LHFPL2: variants seen among roughly 807,000 people sequenced by gnomAD.
The protein encoded by LHFPL2 is LHFPL tetraspan subfamily member 2 protein.
LHFPL2 carries 7 observed loss-of-function variants against 17.5 expected under a neutral mutation model. The ratio of observed to expected loss-of-function variants is 0.40; its 90% confidence interval spans 0.23 to 0.75. The LOEUF is 0.75. LHFPL2 is among the 30% of genes least tolerant of loss of function. The pLI is 0.37. For missense variants in LHFPL2, 241 were observed against 294.8 expected (o/e 0.82, Z 1.34); for synonymous variants, 134 against 116.2 (o/e 1.15, Z -0.99).
intron 4 of LHFPL2, chr5:78,494,610 C>A (rs1390091944): frequency 3.0e-6 from 2 of 668,294 alleles, no homozygotes; most frequent in African/African-American, 3.9e-5. Flanking sequence ...CAGCTGGAGA[C>A]AGAGCCTTGA....
intron 2 of LHFPL2, among the ~76,000 whole-genome samples, chr5:78,566,026 T>G (rs1199691257): frequency 6.6e-6 from 1 of 152,250 alleles, no homozygotes; most frequent in African/African-American, 2.4e-5. Flanking sequence ...AAAAAAAGCA[T>G]TTTGAGTTCA....
At chr5:78,490,651 G>A (rs1422960350) in intron 4 of LHFPL2, among the ~76,000 whole-genome samples, 1 of 149,478 alleles carries the variant, frequency 6.7e-6, no homozygotes, top group Non-Finnish European at 1.5e-5. Flanking sequence ...GGAAGGCTGA[G>A]GCAGAAGAAT....
intron 3 of LHFPL2, among the ~76,000 whole-genome samples, chr5:78,534,532 G>A (rs1755885550): frequency 6.6e-6 from 1 of 152,164 alleles, no homozygotes; most frequent in Non-Finnish European, 1.5e-5. Flanking sequence ...GACTCACTCT[G>A]GTGCCTTGTG....
intron 1 of LHFPL2, among the ~76,000 whole-genome samples, chr5:78,647,417 A>G (rs1449034756): frequency 6.6e-6 from 1 of 152,160 alleles, no homozygotes; most frequent in East Asian, 1.9e-4. Flanking sequence ...TGTCCCTTCA[A>G]GCTCAGTTAC....
chr5:78,607,267 C>T (rs779523447), intron 2 of LHFPL2, among the ~76,000 whole-genome samples: 31 of 151,932 alleles, frequency 2.0e-4, no homozygotes, highest in African/African-American at 6.3e-4. Context: ...CACCCGCCAC[C>T]ACCTCCGGCT....
chr5:78,551,620 C>T (rs1177244583), intron 3 of LHFPL2, among the ~76,000 whole-genome samples: 1 of 152,156 alleles, frequency 6.6e-6, no homozygotes, highest in African/African-American at 2.4e-5. Context: ...CTAGCAGCAG[C>T]CTTAGAAACA....
chr5:78,644,545 A>G, intron 1 of LHFPL2: 1 of 552,390 alleles, frequency 1.8e-6, no homozygotes. Context: ...GAACAAGAAA[A>G]AGGCCAGAGG....
At chr5:78,605,099 A>T (rs763260967) in intron 2 of LHFPL2, among the ~76,000 whole-genome samples, 9 of 152,240 alleles carry the variant, frequency 5.9e-5, no homozygotes, top group Non-Finnish European at 1.3e-4. Context: ...CCATAAGAAA[A>T]GGCTGTCCAG....
intron 4 of LHFPL2, among the ~76,000 whole-genome samples, chr5:78,503,646 C>G (rs1754841326): frequency 6.6e-6 from 1 of 152,062 alleles, no homozygotes; most frequent in South Asian, 2.1e-4. Context: ...TGCAGTGAGC[C>G]AAAATCGAGC....
intron 2 of LHFPL2, among the ~76,000 whole-genome samples, chr5:78,613,377 G>C (rs549239876): frequency 6.6e-6 from 1 of 152,284 alleles, no homozygotes; most frequent in African/African-American, 2.4e-5. Flanking sequence ...CCTTTTCACA[G>C]CATTGTATGG....
In LHFPL2 at chr5:78,510,053, GGGGAGCCCCC is replaced by G; in HGVS notation, c.151_160del (p.Gly51ArgfsTer75). On this transcript the variant is annotated frameshift_variant, in exon 4 of 5. Coordinates refer to ENST00000380345, the MANE Select transcript of LHFPL2 (RefSeq NM_005779.3). LOFTEE classifies it high-confidence loss of function. ...GCCCAGGGTGGGGTGGTAGGGCTCC[GGGGAGCCCCC>G]GCCCGGGCCCGCCGGCTCCACGCCG... 1 of 1,610,076 alleles carries G rather than the reference GGGGAGCCCCC, an allele frequency of 6.2e-7. No homozygotes were observed. Among genetic ancestry groups the G allele is most frequent in the Non-Finnish European group, 8.5e-7 (1 of 1,178,316 alleles).
In LHFPL2 at chr5:78,510,351, A is replaced by T. The variant is rs1258814921; in HGVS notation, c.-138T>A. The T allele has an allele frequency of 6.8e-6, 6 of 876,590 alleles. No homozygotes were observed. Among genetic ancestry groups the T allele is most frequent in the Non-Finnish European group, 1.0e-5 (6 of 583,458 alleles). The allele number at this position is 876,590 out of a possible 1,614,324, so 54.3% of individuals were successfully genotyped here. On this transcript the variant is annotated 5_prime_UTR_variant, in exon 4 of 5. An upstream start codon of the reference 5' UTR is lost. Coordinates refer to ENST00000380345, the MANE Select transcript of LHFPL2 (RefSeq NM_005779.3). ...TTCACTCCCGCCGCCGGCCGCGTTC[A>T]TGCTGGGGACAGCGCTCCCGGACCC...
intron 2 of LHFPL2, among the ~76,000 whole-genome samples, chr5:78,566,548 C>T (rs1756865438): frequency 6.6e-6 from 1 of 152,022 alleles, no homozygotes; most frequent in Admixed American, 6.6e-5. Flanking sequence ...ACTGCAACCT[C>T]CACCTCCTGG....
intron 2 of LHFPL2, among the ~76,000 whole-genome samples, chr5:78,622,467 GAGA>G (rs1157994641): frequency 5.3e-5 from 8 of 152,310 alleles, no homozygotes; most frequent in Admixed American, 2.0e-4. Context: ...AAGCCCTGGA[GAGA>G]AGAATAATTT....
At chr5:78,595,670 C>T (rs10059615) in intron 2 of LHFPL2, among the ~76,000 whole-genome samples, 59,356 of 151,966 alleles carry the variant, frequency 0.39, 12,008 homozygotes, top group Middle Eastern at 0.48. Flanking sequence ...AGCCACTACA[C>T]GTGGCTAATT....
intron 3 of LHFPL2, among the ~76,000 whole-genome samples, chr5:78,561,083 C>G (rs1482308925): frequency 2.6e-5 from 4 of 152,204 alleles, no homozygotes; most frequent in African/African-American, 7.2e-5. Context: ...ATACTTAACA[C>G]TTCAAAATCT....
At chr5:78,646,014 T>C (rs1745865516) in intron 1 of LHFPL2, among the ~76,000 whole-genome samples, 1 of 152,234 alleles carries the variant, frequency 6.6e-6, no homozygotes, top group Admixed American at 6.5e-5. Flanking sequence ...ACTTATCATG[T>C]TCATTACTAT....
intron 3 of LHFPL2, among the ~76,000 whole-genome samples, chr5:78,516,731 G>A (rs1035670922): frequency 1.6e-4 from 24 of 152,178 alleles, no homozygotes; most frequent in African/African-American, 4.6e-4. Flanking sequence ...AAAAGGCCAT[G>A]CTAGTTTGGA....
intron 1 of LHFPL2, among the ~76,000 whole-genome samples, chr5:78,637,027 A>C (rs1031007809): frequency 1.1e-4 from 16 of 152,112 alleles, no homozygotes; most frequent in South Asian, 2.1e-4. Context: ...CAGGTTTCTA[A>C]ACTGATACTC....
Sources: allele counts gnomAD v4.1 joint callset (sites outside exome capture counted in the v4.1 genomes callset), GRCh38; gene constraint gnomAD v4.1.1; transcripts MANE v1.5; gene names NCBI Gene and HGNC (gene_info 2026-07-23, HGNC 2026-07-21).